The following WWOX variants were observed in gnomAD, a reference collection of about 807,000 sequenced individuals.
The protein encoded by WWOX is WW domain-containing oxidoreductase.
A neutral mutation model predicts 46.2 loss-of-function variants in WWOX; 69 were observed. The ratio of observed to expected loss-of-function variants is 1.49; its 90% CI spans 1.23 to 1.82. WWOX has a LOEUF of 1.82. Among genes scored for constraint, WWOX ranks in the 40% most tolerant of loss-of-function variants. WWOX has a pLI of 0.00. For missense variants in WWOX, 919 were observed against 542.6 expected (o/e 1.69, Z -6.89); for synonymous variants, 359 against 202.6 (o/e 1.77, Z -6.56).
intron 8 of WWOX, among the ~76,000 whole-genome samples, chr16:78,583,663 C>T (rs145449234): frequency 1.3e-4 from 20 of 152,278 alleles, no homozygotes; most frequent in African/African-American, 4.8e-4. Context: ...AATGTCAAGC[C>T]ATCAGGCAGC....
intron 5 of WWOX, among the ~76,000 whole-genome samples, chr16:78,202,929 T>G (rs1357184603): frequency 6.6e-6 from 1 of 152,124 alleles, no homozygotes; most frequent in Non-Finnish European, 1.5e-5. Context: ...TATAACTGAT[T>G]TGAGAAGGTC....
chr16:78,472,269 G>A (rs1381788659), intron 8 of WWOX, among the ~76,000 whole-genome samples: 5 of 152,086 alleles, frequency 3.3e-5, no homozygotes, highest in African/African-American at 9.7e-5. Flanking sequence ...GACTAACGAG[G>A]ATCAGAGGGA....
intron 8 of WWOX, among the ~76,000 whole-genome samples, chr16:78,637,201 C>G (rs1220511516): frequency 6.6e-6 from 1 of 152,154 alleles, no homozygotes; most frequent in African/African-American, 2.4e-5. Flanking sequence ...GCGGGCAGAT[C>G]ACCTGAGGTC....
chr16:78,760,168 C>A lies in WWOX; in HGVS notation c.1056+327416C>A, dbSNP rs146698194. Among the ~76,000 whole-genome samples the A allele has an allele frequency of 2.0e-5, 3 of 152,272 alleles. No individual in the cohort carries two copies. In the South Asian group the frequency reaches 6.2e-4, roughly 32 times the overall value. ...CGGAAGGCAAAAGGCACATCTCACA[C>A]GGCAGCAGACGAGAGAGAGTGACAG... is the stretch of plus-strand genomic sequence containing the variant. On this transcript the variant is annotated intron_variant, in intron 8 of 8. Transcript: ENST00000566780.
At chr16:78,518,638 G>T (rs1208569447) in intron 8 of WWOX, among the ~76,000 whole-genome samples, 3 of 152,194 alleles carry the variant, frequency 2.0e-5, no homozygotes, top group Non-Finnish European at 4.4e-5. Context: ...TGGGCATCTA[G>T]ATTTCATTTA....
chr16:79,112,603 T>G (rs1181799411), intron 8 of WWOX, among the ~76,000 whole-genome samples: 1 of 152,228 alleles, frequency 6.6e-6, no homozygotes, highest in African/African-American at 2.4e-5. Flanking sequence ...TCTTTTCATC[T>G]CGGTTTTATT....
At chr16:78,986,463 T>G (rs1309623794) in intron 8 of WWOX, among the ~76,000 whole-genome samples, 1 of 152,212 alleles carries the variant, frequency 6.6e-6, no homozygotes, top group East Asian at 1.9e-4. Context: ...AGGTTGGGGC[T>G]GTGCTGATTG....
At chr16:78,450,976 A>C (rs1242815064) in intron 8 of WWOX, among the ~76,000 whole-genome samples, 1 of 152,226 alleles carries the variant, frequency 6.6e-6, no homozygotes, top group African/African-American at 2.4e-5. Flanking sequence ...TTTCTTATGT[A>C]TGAAAAGTAG....
intron 8 of WWOX, among the ~76,000 whole-genome samples, chr16:79,113,818 A>T (rs1474533934): frequency 6.6e-6 from 1 of 152,222 alleles, no homozygotes; most frequent in Non-Finnish European, 1.5e-5. Flanking sequence ...CACATTAAAC[A>T]CCAGATGCGA....
chr16:78,594,254 T>C (rs570235316), intron 8 of WWOX, among the ~76,000 whole-genome samples: 2 of 152,238 alleles, frequency 1.3e-5, no homozygotes, highest in Admixed American at 6.5e-5. Flanking sequence ...TCAATTCATA[T>C]GGTCCTCTGC....
At chr16:78,898,491 G>C (rs983274190) in intron 8 of WWOX, 1 of 152,078 alleles carries the variant, frequency 6.6e-6, no homozygotes, top group African/African-American at 2.4e-5. Flanking sequence ...GTACTCCATT[G>C]ATCTAATTTT....
intron 8 of WWOX, among the ~76,000 whole-genome samples, chr16:78,977,825 G>T (rs2046603656): frequency 6.6e-6 from 1 of 152,124 alleles, no homozygotes; most frequent in South Asian, 2.1e-4. Flanking sequence ...CTGGGAAGCA[G>T]CAGACACACA....
intron 8 of WWOX, among the ~76,000 whole-genome samples, chr16:78,716,366 C>G (rs936161897): frequency 4.6e-5 from 7 of 152,116 alleles, no homozygotes; most frequent in African/African-American, 1.7e-4. Flanking sequence ...GGTTCCGCAA[C>G]TGCAAAAGAG....
chr16:78,880,677 A>G (rs1009655858), intron 8 of WWOX, among the ~76,000 whole-genome samples: 19 of 152,288 alleles, frequency 1.2e-4, no homozygotes, highest in Middle Eastern at 3.4e-3. Context: ...GAACTTGCTG[A>G]TGTACTCTTG....
chr16:78,868,891 G>C (rs528228033), intron 8 of WWOX, among the ~76,000 whole-genome samples: 31 of 152,186 alleles, frequency 2.0e-4, no homozygotes, highest in Non-Finnish European at 2.9e-4. Context: ...GCATCCCTTA[G>C]AAATTTGCAC....
intron 8 of WWOX, among the ~76,000 whole-genome samples, chr16:78,779,018 A>C (rs2050260709): frequency 6.6e-6 from 1 of 152,206 alleles, no homozygotes; most frequent in Non-Finnish European, 1.5e-5. Context: ...AGTCTGAATA[A>C]AACCAATGAG....
chr16:78,968,653 C>G (rs920206536), intron 8 of WWOX, among the ~76,000 whole-genome samples: 1 of 152,174 alleles, frequency 6.6e-6, no homozygotes, highest in African/African-American at 2.4e-5. Flanking sequence ...GCCCCAGCTG[C>G]CAAGGAGGCT....
At position 78,348,696 on chromosome 16, in the gene WWOX, G is replaced by C. The variant is rs1254206942; in HGVS notation, c.517-38164G>C. Among the ~76,000 whole-genome samples, 3 of 120,460 alleles carry C rather than the reference G, an allele frequency of 2.5e-5. 1 individual carries two copies. The highest frequency in any genetic ancestry group is 5.9e-5 in the Non-Finnish European group (3 of 50,422). 79.0% of individuals were successfully genotyped at this position (120,460 alleles called of 152,430 possible). On this transcript the variant is annotated intron_variant, in intron 5 of 8. Transcript: ENST00000566780. Reference sequence around the variant, plus strand: ...TGGTCTCTAACTCCTGAGCTCAAGAGATCCACCCGCCTCTGCCTCCCAAAG... The same window carrying C: ...TGGTCTCTAACTCCTGAGCTCAAGACATCCACCCGCCTCTGCCTCCCAAAG...
intron 8 of WWOX, among the ~76,000 whole-genome samples, chr16:79,038,512 T>A (rs1423458313): frequency 1.3e-5 from 2 of 152,356 alleles, no homozygotes; most frequent in East Asian, 3.9e-4. Flanking sequence ...AATTATGATT[T>A]TTAACAATAT....
Sources: allele counts gnomAD v4.1 joint callset (sites outside exome capture counted in the v4.1 genomes callset), GRCh38; gene constraint gnomAD v4.1.1; transcripts MANE v1.5; gene names NCBI Gene and HGNC (gene_info 2026-07-23, HGNC 2026-07-21).